The following FRAS1 variants were observed in gnomAD, a reference collection of about 807,000 sequenced individuals.
FRAS1 encodes Fraser extracellular matrix complex subunit 1, also known as extracellular matrix organizing protein FRAS1.
A neutral mutation model predicts 435.2 loss-of-function variants in FRAS1; 290 were observed. The observed-to-expected ratio is 0.67, with a 90% CI of 0.61 to 0.73. The LOEUF (loss-of-function observed/expected upper bound fraction) is 0.73, where lower values mean the gene tolerates loss of function less well. FRAS1 is among the 30% of genes least tolerant of loss of function. The pLI is 0.00. For synonymous variants in FRAS1, 1,800 were observed against 1,851.0 expected, an observed-to-expected ratio of 0.97 and a Z score of 0.71; for missense variants, 4,860 against 5,001.5, an observed-to-expected ratio of 0.97 and a Z score of 0.85.
At chr4:78,258,738 G>T in intron 6 of FRAS1, among the ~76,000 whole-genome samples, 3 of 140,902 alleles carry the variant, frequency 2.1e-5, no homozygotes, top group Non-Finnish European at 3.1e-5. Context: ...TAAGTTTTAG[G>T]GTACATGTGC....
In FRAS1 at chr4:78,057,892, G is replaced by A; in HGVS notation, c.-118G>A. On this transcript the variant is annotated 5_prime_UTR_variant, in exon 1 of 74. Coordinates refer to ENST00000512123, the MANE Select transcript of FRAS1 (RefSeq NM_025074.7). This position sits in a 1 kb window ranked among gnomAD's most constrained non-coding sequence, Gnocchi z 4.2. ...CCATCTCTTTTTCCCGGAGGTAAAG[G>A]CCCGCGGTCCCCCACCTTCAGTGCG... 1 of 846,150 alleles carries A rather than the reference G, an allele frequency of 1.2e-6. No individual in the cohort carries two copies. Among genetic ancestry groups the A allele is most frequent in the African/African-American group, 1.7e-5 (1 of 59,488 alleles). 52.4% of individuals were successfully genotyped at this position (846,150 alleles called of 1,614,324 possible).
chr4:78,369,002 GA>G (rs1731389355), intron 22 of FRAS1, among the ~76,000 whole-genome samples: 1 of 152,206 alleles, frequency 6.6e-6, no homozygotes, highest in African/African-American at 2.4e-5. Context: ...TGGATGCATG[GA>G]AAATGGATTG....
At position 78,537,182 on chromosome 4, in the gene FRAS1, A is replaced by G. The variant is rs1300387200; in HGVS notation, c.11280A>G (p.Lys3760=). 6.2e-7 allele frequency: 1 copy of G among 1,613,838 alleles called. No homozygotes were observed. Among genetic ancestry groups the G allele is most frequent in the African/African-American group, 1.3e-5 (1 of 74,948 alleles). ...YGCIQPNKHL[K]HRFLLLDRNQ... The stretch of plus-strand genomic sequence containing the variant: ...GCATTCAGCCAAACAAACACCTAAA[A>G]CACAGATTCCTGCTGTTGGTATGCT... Residue 3760 remains lysine, a synonymous_variant, in exon 72 of 74, where the codon AAA becomes AAG. Coordinates refer to ENST00000512123, the MANE Select transcript of FRAS1 (RefSeq NM_025074.7).
chr4:78,412,566 CAAAAA>C (rs2110359525), intron 31 of FRAS1, among the ~76,000 whole-genome samples: 1 of 152,194 alleles, frequency 6.6e-6, no homozygotes, highest in East Asian at 1.9e-4. Context: ...ATATAGTTCT[CAAAAA>C]TTATGTTTTC....
intron 2 of FRAS1, among the ~76,000 whole-genome samples, chr4:78,176,974 C>T (rs755913852): frequency 7.9e-5 from 12 of 152,132 alleles, no homozygotes; most frequent in Non-Finnish European, 1.2e-4. Flanking sequence ...TCTTGTATTG[C>T]TGAAACCAAA....
chr4:78,330,531 G>A (rs1289542107), intron 18 of FRAS1, among the ~76,000 whole-genome samples: 1 of 152,180 alleles, frequency 6.6e-6, no homozygotes, highest in Non-Finnish European at 1.5e-5. Flanking sequence ...GAGAAATATC[G>A]CTGAATTCTT....
intron 2 of FRAS1, among the ~76,000 whole-genome samples, chr4:78,079,740 G>A (rs1027229837): frequency 3.9e-5 from 6 of 152,034 alleles, no homozygotes; most frequent in African/African-American, 1.2e-4. Context: ...TGCTATCTCC[G>A]GCAAAAGTTC....
At chr4:78,261,903 A>G (rs1308001615) in intron 6 of FRAS1, among the ~76,000 whole-genome samples, 1 of 152,154 alleles carries the variant, frequency 6.6e-6, no homozygotes, top group African/African-American at 2.4e-5. Context: ...GGATGAGTAG[A>G]AGATATTTTT....
At chr4:78,183,482 A>G (rs1355491435) in intron 2 of FRAS1, among the ~76,000 whole-genome samples, 1 of 152,146 alleles carries the variant, frequency 6.6e-6, no homozygotes, top group African/African-American at 2.4e-5. Flanking sequence ...CTGCTCAGGA[A>G]TGTGCTCACA....
chr4:78,424,281 TA>T, intron 34 of FRAS1, 106 bp from the exon 35 acceptor site: 1 of 534,572 alleles, frequency 1.9e-6, no homozygotes, highest in Non-Finnish European at 3.3e-6. Context: ...TAATTTAGAT[TA>T]AAACATTCTT....
intron 4 of FRAS1, among the ~76,000 whole-genome samples, chr4:78,251,146 G>A (rs1211722209): frequency 6.6e-6 from 1 of 152,006 alleles, no homozygotes; most frequent in East Asian, 1.9e-4. Context: ...AAGCATAAAG[G>A]TCAATTGCCC....
rs1033125937 is a variant in FRAS1 at position 78,267,346 on chromosome 4, A to G, written c.895A>G (p.Lys299Glu). The G allele has an allele frequency of 4.3e-6, 7 of 1,613,688 alleles. No individual in the cohort carries two copies. In the African/African-American group the frequency reaches 6.7e-5, roughly 15 times the overall value. ...GVVRYQDEMW[K>E]GSACEFCMCD... The stretch of plus-strand genomic sequence containing the variant: ...TGTGCGGTACCAGGACGAAATGTGG[A>G]AGGGCTCGGCCTGTGAGTTCTGCAT... The change falls in exon 9 of 74, where the codon AAG becomes GAG. Residue 299 changes from lysine to glutamate, a missense_variant. Lys to Glu is a moderately conservative substitution (Grantham distance 56). Transcript: ENST00000512123.
chr4:78,132,283 G>C (rs1286212998), intron 2 of FRAS1, among the ~76,000 whole-genome samples: 3 of 152,144 alleles, frequency 2.0e-5, no homozygotes, highest in African/African-American at 7.2e-5. Flanking sequence ...TTTCAATTGA[G>C]AATTAGCTTA....
At chr4:78,357,928 T>G (rs1730925341) in intron 20 of FRAS1, among the ~76,000 whole-genome samples, 1 of 152,152 alleles carries the variant, frequency 6.6e-6, no homozygotes, top group African/African-American at 2.4e-5. Flanking sequence ...ATTTTTTTTC[T>G]TTCTATCTCC....
At chr4:78,202,966 T>C (rs1723104525) in intron 2 of FRAS1, among the ~76,000 whole-genome samples, 1 of 152,180 alleles carries the variant, frequency 6.6e-6, no homozygotes, top group Non-Finnish European at 1.5e-5. Context: ...GAGCTGGGCT[T>C]TCTTATTTGT....
At chr4:78,275,469 T>C (rs926498329) in intron 9 of FRAS1, among the ~76,000 whole-genome samples, 2 of 152,226 alleles carry the variant, frequency 1.3e-5, no homozygotes, top group African/African-American at 4.8e-5. Flanking sequence ...TTCCTTTCCA[T>C]GTTTAGTGCT....
intron 2 of FRAS1, among the ~76,000 whole-genome samples, chr4:78,234,415 C>T (rs1016818095): frequency 2.6e-5 from 4 of 151,956 alleles, no homozygotes; most frequent in Non-Finnish European, 4.4e-5. Context: ...TTAGTAGAGA[C>T]GGGGTTTCGC....
Position 78,447,019 on chromosome 4 carries a change from G to A in FRAS1, c.6010+139G>A, listed in dbSNP as rs111766908. On this transcript the variant is annotated intron_variant, in intron 43 of 73. Coordinates refer to ENST00000512123, the MANE Select transcript of FRAS1 (RefSeq NM_025074.7). ...GCATCAAAGTGTAATCAAATTCACA[G>A]CTGGCTAATATTTTTTTGGAGTCCT... The A allele has an allele frequency of 9.4e-4, 806 of 854,224 alleles. 4 individuals carry two copies. In the African/African-American group the frequency reaches 0.012, roughly 13 times the overall value. 52.9% of individuals were successfully genotyped at this position (854,224 alleles called of 1,614,324 possible).
intron 2 of FRAS1, among the ~76,000 whole-genome samples, chr4:78,225,542 TA>T (rs1724233379): frequency 1.3e-5 from 2 of 152,228 alleles, no homozygotes; most frequent in Admixed American, 6.5e-5. Flanking sequence ...CTTTGTTCCC[TA>T]ATTGTTTCAG....
Sources: allele counts gnomAD v4.1 joint callset (sites outside exome capture counted in the v4.1 genomes callset), GRCh38; gene constraint gnomAD v4.1.1; non-coding constraint Gnocchi (gnomAD v3.1); transcripts MANE v1.5; gene names NCBI Gene and HGNC (gene_info 2026-07-23, HGNC 2026-07-21).